The following JMJD1C variants were observed in gnomAD, a reference collection of about 807,000 sequenced individuals.
JMJD1C encodes jumonji domain containing 1C.
A neutral mutation model predicts 245.3 loss-of-function variants in JMJD1C; 31 were observed. The ratio of observed to expected loss-of-function variants is 0.13; its 90% CI spans 0.09 to 0.17. JMJD1C has a LOEUF of 0.17. Among genes scored for constraint, JMJD1C ranks in the 10% least tolerant of loss-of-function variants. JMJD1C has a pLI of 1.00. For synonymous variants in JMJD1C, 1,057 were observed against 1,017.4 expected (o/e 1.04, Z -0.74); for missense variants, 2,691 against 3,000.2 (o/e 0.90, Z 2.41).
chr10:63,456,314 A>G (rs1266306272), intron 1 of JMJD1C, among the ~76,000 whole-genome samples: 1 of 152,142 alleles, frequency 6.6e-6, no homozygotes, highest in African/African-American at 2.4e-5. Flanking sequence ...AAATAATAGT[A>G]TAATGTTATT....
intron 1 of JMJD1C, among the ~76,000 whole-genome samples, chr10:63,429,456 A>G (rs952246827): frequency 6.6e-6 from 1 of 152,202 alleles, no homozygotes; most frequent in Admixed American, 6.5e-5. Flanking sequence ...CAACTCATTT[A>G]TTGGCCAGAA....
Position 63,380,498 on chromosome 10 carries a change from C to A in JMJD1C, c.169-16G>T, listed in dbSNP as rs762394063. On this transcript the variant is annotated splice_polypyrimidine_tract_variant and intron_variant, in intron 1 of 25. Coordinates refer to ENST00000399262, the MANE Select transcript of JMJD1C (RefSeq NM_032776.3). Reference sequence around the variant, plus strand: ...CCACATACACCTATGAAAACAAAAACACAAAATTCAATTAGCAAAATAGAA... The same window carrying A: ...CCACATACACCTATGAAAACAAAAAAACAAAATTCAATTAGCAAAATAGAA... 2 of 1,593,594 alleles carry A rather than the reference C, an allele frequency of 1.3e-6. No homozygotes were observed. The highest frequency in any genetic ancestry group is 1.7e-6 in the Non-Finnish European group (2 of 1,170,876).
Position 63,213,789 on chromosome 10 carries a change from G to C in JMJD1C, c.2378C>G (p.Pro793Arg), listed in dbSNP as rs776184602. 1 of 1,613,940 alleles carries C rather than the reference G, an allele frequency of 6.2e-7. No individual in the cohort carries two copies. The highest frequency in any genetic ancestry group is 8.5e-7 in the Non-Finnish European group (1 of 1,179,990). Residue 793 changes from proline to arginine, a missense_variant, in exon 8 of 26, where the codon CCT becomes CGT. Pro to Arg is a moderately radical substitution (Grantham distance 103). This residue lies in a region of JMJD1C where 1,562 missense variants were observed against 1,490.7 expected (regional missense o/e 1.05). Coordinates refer to ENST00000399262, the MANE Select transcript of JMJD1C (RefSeq NM_032776.3). Reference protein sequence around the residue: ...TSGPHHAVHHPHLLPTVLPGV... With the variant: ...TSGPHHAVHHRHLLPTVLPGV... ...AGGTAACACAGTGGGAAGTAAATGA[G>C]GGTGATGAACAGCATGGTGTGGACC...
At chr10:63,397,833 GCTTGAT>G (rs1320012665) in intron 1 of JMJD1C, among the ~76,000 whole-genome samples, 1 of 152,162 alleles carries the variant, frequency 6.6e-6, no homozygotes, top group Non-Finnish European at 1.5e-5. Context: ...ACAGTGTCTG[GCTTGAT>G]CTTTTAACCA....
chr10:63,518,924 T>C, intron 1 of JMJD1C, among the ~76,000 whole-genome samples: 1 of 152,246 alleles, frequency 6.6e-6, no homozygotes, highest in Non-Finnish European at 1.5e-5. Flanking sequence ...GAAGCATGAA[T>C]TAGATCTCCA....
At chr10:63,397,255 C>T (rs998572397) in intron 1 of JMJD1C, among the ~76,000 whole-genome samples, 7 of 152,066 alleles carry the variant, frequency 4.6e-5, no homozygotes, top group African/African-American at 1.7e-4. Flanking sequence ...CTCTTGTCGC[C>T]CAGGCTGGAG....
chr10:63,325,601 C>A lies in JMJD1C; in HGVS notation c.333+54717G>T, dbSNP rs1209174179. On this transcript the variant is annotated intron_variant, in intron 2 of 25. Coordinates refer to ENST00000399262, the MANE Select transcript of JMJD1C (RefSeq NM_032776.3). ...GAGCCTAAAAAGAACTTTCTTCTTTCCTTCTAAACTCAAAAAAGGAGTAAA... is the reference window on the plus strand; with the variant it reads ...GAGCCTAAAAAGAACTTTCTTCTTTACTTCTAAACTCAAAAAAGGAGTAAA... Among the ~76,000 whole-genome samples, 3 of 152,144 alleles carry A rather than the reference C, an allele frequency of 2.0e-5. No individual in the cohort carries two copies. The South Asian group carries it at 6.2e-4, about 31-fold the overall frequency.
intron 2 of JMJD1C, among the ~76,000 whole-genome samples, chr10:63,333,340 A>C (rs895632077): frequency 1.3e-5 from 2 of 152,118 alleles, no homozygotes; most frequent in Non-Finnish European, 2.9e-5. Context: ...GGAGCCCTTG[A>C]ACTTAGGAGT....
intron 1 of JMJD1C, among the ~76,000 whole-genome samples, chr10:63,457,458 G>A (rs1416048448): frequency 6.6e-6 from 1 of 152,068 alleles, no homozygotes; most frequent in African/African-American, 2.4e-5. Flanking sequence ...AACTTTAATT[G>A]CAGATTTGTG....
chr10:63,304,013 C>T (rs372771143), intron 2 of JMJD1C, among the ~76,000 whole-genome samples: 8 of 152,144 alleles, frequency 5.3e-5, no homozygotes, highest in East Asian at 3.9e-4. Flanking sequence ...GAAACAAATA[C>T]TCTAATGACA....
chr10:63,473,528 T>C (rs1465665508), intron 1 of JMJD1C, among the ~76,000 whole-genome samples: 1 of 152,000 alleles, frequency 6.6e-6, no homozygotes, highest in Non-Finnish European at 1.5e-5. Flanking sequence ...ATTTCAGGCA[T>C]GAGCCACTGT....
At chr10:63,436,851 C>T (rs1455985439) in intron 1 of JMJD1C, among the ~76,000 whole-genome samples, 1 of 152,104 alleles carries the variant, frequency 6.6e-6, no homozygotes, top group East Asian at 1.9e-4. Context: ...CCCCAAACAG[C>T]AATCCCTCAA....
chr10:63,363,394 G>A (rs1381940643), intron 2 of JMJD1C, among the ~76,000 whole-genome samples: 2 of 151,876 alleles, frequency 1.3e-5, no homozygotes, highest in East Asian at 3.9e-4. Flanking sequence ...GAGTAGCTGG[G>A]ATTAGAGATG....
At chr10:63,338,631 GCTC>G (rs1013928124) in intron 2 of JMJD1C, among the ~76,000 whole-genome samples, 1 of 146,348 alleles carries the variant, frequency 6.8e-6, no homozygotes, top group African/African-American at 2.6e-5. Context: ...ATATCTTTCT[GCTC>G]CTTAGATTTT....
chr10:63,207,401 G>T lies in JMJD1C; in HGVS notation c.4268C>A (p.Thr1423Asn). 6.2e-7 allele frequency: 1 copy of T among 1,614,082 alleles called. No homozygotes were observed. ...TTCTGATGATGTAGAGGCCAAAATGGTATTTGATAAAGAGGAAATTACTTC... is the reference window on the plus strand; with the variant it reads ...TTCTGATGATGTAGAGGCCAAAATGTTATTTGATAAAGAGGAAATTACTTC... ...GSEVISSLSNTILASTSSECV... is the reference protein window; with the variant it reads ...GSEVISSLSNNILASTSSECV... The change falls in exon 10 of 26, where the codon ACC (threonine) becomes AAC (asparagine). Residue 1423 changes from threonine (T) to asparagine (N), a missense_variant. Coordinates refer to ENST00000399262, the MANE Select transcript of JMJD1C (RefSeq NM_032776.3).
At chr10:63,415,602 T>C (rs1399183771) in intron 1 of JMJD1C, among the ~76,000 whole-genome samples, 2 of 152,232 alleles carry the variant, frequency 1.3e-5, no homozygotes, top group African/African-American at 2.4e-5. Flanking sequence ...TGTAAGGTGA[T>C]AGGTACACAC....
At chr10:63,209,667 C>CA (rs1307017785) in intron 8 of JMJD1C, among the ~76,000 whole-genome samples, 4 of 152,212 alleles carry the variant, frequency 2.6e-5, no homozygotes, top group Admixed American at 6.5e-5. Context: ...TTTTTGTCAT[C>CA]AAAAAATTTA....
chr10:63,400,509 T>C (rs1366129692), intron 1 of JMJD1C, among the ~76,000 whole-genome samples: 1 of 152,158 alleles, frequency 6.6e-6, no homozygotes, highest in Non-Finnish European at 1.5e-5. Flanking sequence ...TTCTAGTTCA[T>C]TGATTTCTGC....
chr10:63,381,522 A>C (rs1947216150), intron 1 of JMJD1C, among the ~76,000 whole-genome samples: 1 of 152,100 alleles, frequency 6.6e-6, no homozygotes, highest in African/African-American at 2.4e-5. Flanking sequence ...ACAGAATGAG[A>C]CTCTGTCTAT....
Sources: gnomAD v4.1 joint callset for allele counts (sites outside exome capture counted in the v4.1 genomes callset) on GRCh38, gnomAD v4.1.1 for gene constraint, gnomAD v4.1.1 regional missense constraint, MANE v1.5 for transcripts, NCBI Gene and HGNC (gene_info 2026-07-23, HGNC 2026-07-21) for gene names.